The following PLCL2 variants were observed in gnomAD, a reference collection of about 807,000 sequenced individuals.
The protein encoded by PLCL2 is phospholipase C like 2.
Under a neutral mutation model 79.6 loss-of-function variants are expected in PLCL2, and 4 were observed. That is an observed-to-expected ratio of 0.05 (90% CI 0.02 to 0.11). PLCL2 has a LOEUF of 0.11. Among genes scored for constraint, PLCL2 ranks in the 10% least tolerant of loss-of-function variants. The pLI is 1.00. For missense variants in PLCL2, 895 were observed against 1,291.0 expected, an observed-to-expected ratio of 0.69 and a Z score of 4.70; for synonymous variants, 484 against 457.7, an observed-to-expected ratio of 1.06 and a Z score of -0.73.
At chr3:16,969,437 A>G (rs2063836568) in intron 1 of PLCL2, among the ~76,000 whole-genome samples, 1 of 152,090 alleles carries the variant, frequency 6.6e-6, no homozygotes, top group Non-Finnish European at 1.5e-5. Flanking sequence ...TGGTCTGTTC[A>G]GGGATTCAAT....
chr3:17,067,295 A>G (rs1456918505), intron 4 of PLCL2, among the ~76,000 whole-genome samples: 4 of 152,040 alleles, frequency 2.6e-5, no homozygotes, highest in African/African-American at 7.2e-5. Context: ...CACCTAATGG[A>G]AAAAAAAGCA....
At chr3:16,907,061 T>C (rs1250454775) in intron 1 of PLCL2, among the ~76,000 whole-genome samples, 1 of 152,164 alleles carries the variant, frequency 6.6e-6, no homozygotes, top group Non-Finnish European at 1.5e-5. Flanking sequence ...TATCTGAAAA[T>C]GAGTTTGACC....
chr3:16,904,664 C>G (rs1209774419), intron 1 of PLCL2, among the ~76,000 whole-genome samples: 1 of 152,088 alleles, frequency 6.6e-6, no homozygotes, highest in Non-Finnish European at 1.5e-5. Context: ...TTGGCTGTGT[C>G]CCCACCCAAA....
rs1459653123 is a variant in PLCL2 at position 16,907,634 on chromosome 3, GCCTTAGTTT to G, written c.327+22274_327+22282del. On this transcript the variant is annotated intron_variant, in intron 1 of 5. Coordinates refer to ENST00000615277, the MANE Select transcript of PLCL2 (RefSeq NM_001144382.2). Reference sequence around the variant, plus strand: ...AGTCAGACTGGGGGGTCACCTATTGGCCTTAGTTTCCTTATCTCTAAAATGTATATAATG... The same window carrying G: ...AGTCAGACTGGGGGGTCACCTATTGGCCTTATCTCTAAAATGTATATAATG... Among the ~76,000 whole-genome samples, 11 of 152,258 alleles carry G rather than the reference GCCTTAGTTT, an allele frequency of 7.2e-5. No individual in the cohort carries two copies. In the East Asian group the frequency reaches 2.1e-3, roughly 29 times the overall value.
chr3:17,042,930 C>A lies in PLCL2; in HGVS notation c.3075C>A (p.Ile1025=). The change falls in exon 4 of 6, where the codon ATC becomes ATA. Residue 1025 remains isoleucine, a synonymous_variant. Coordinates refer to ENST00000615277, the MANE Select transcript of PLCL2 (RefSeq NM_001144382.2). ...ATGCAGATGCTGTATATGAAAAGAT[C>A]GTACATTGTCAGAAGGCAGGTAAGT... is the stretch of plus-strand genomic sequence containing the variant. ...IENADAVYEK[I]VHCQKAAMEF... 6 of 1,610,228 alleles carry A rather than the reference C, an allele frequency of 3.7e-6. No homozygotes were observed. Among genetic ancestry groups the A allele is most frequent in the South Asian group, 1.1e-5 (1 of 90,964 alleles).
intron 1 of PLCL2, among the ~76,000 whole-genome samples, chr3:16,947,094 C>T (rs1018118889): frequency 6.6e-6 from 1 of 150,940 alleles, no homozygotes; most frequent in Non-Finnish European, 1.5e-5. Flanking sequence ...TAGCTTGGAC[C>T]ACAGGCACAT....
At chr3:16,931,919 G>A (rs1019533126) in intron 1 of PLCL2, among the ~76,000 whole-genome samples, 5 of 152,146 alleles carry the variant, frequency 3.3e-5, no homozygotes, top group Non-Finnish European at 7.4e-5. Flanking sequence ...GGTCATGAAG[G>A]AGGAGCCCTC....
At chr3:16,929,479 T>C (rs1575534570) in intron 1 of PLCL2, among the ~76,000 whole-genome samples, 1 of 152,292 alleles carries the variant, frequency 6.6e-6, no homozygotes, top group African/African-American at 2.4e-5. Context: ...CATACTCAAC[T>C]CACTTTGCAA....
At chr3:17,066,688 T>C (rs1160985379) in intron 4 of PLCL2, among the ~76,000 whole-genome samples, 1 of 152,188 alleles carries the variant, frequency 6.6e-6, no homozygotes, top group Non-Finnish European at 1.5e-5. Flanking sequence ...GGAGTCTCTG[T>C]AGCTGTCACA....
chr3:16,916,802 C>G (rs764734794), intron 1 of PLCL2, among the ~76,000 whole-genome samples: 2 of 151,884 alleles, frequency 1.3e-5, no homozygotes, highest in Non-Finnish European at 2.9e-5. Flanking sequence ...AGTTAAAATC[C>G]TTGATTTTTC....
chr3:17,039,048 A>G (rs1559528200), intron 3 of PLCL2, among the ~76,000 whole-genome samples: 1 of 152,348 alleles, frequency 6.6e-6, no homozygotes, highest in South Asian at 2.1e-4. Context: ...CTCACCTCAC[A>G]TGGATAATGT....
chr3:17,036,638 C>G (rs2064658571), intron 3 of PLCL2, among the ~76,000 whole-genome samples: 1 of 152,232 alleles, frequency 6.6e-6, no homozygotes, highest in South Asian at 2.1e-4. Flanking sequence ...CTGTCCCATT[C>G]ATGGCATTAG....
chr3:16,907,506 G>A (rs1424167550), intron 1 of PLCL2, among the ~76,000 whole-genome samples: 1 of 152,166 alleles, frequency 6.6e-6, no homozygotes, highest in Non-Finnish European at 1.5e-5. Context: ...CCCAAATGCT[G>A]TTGCTTTGTT....
At chr3:16,981,014 C>T (rs1234236229) in intron 1 of PLCL2, among the ~76,000 whole-genome samples, 1 of 152,218 alleles carries the variant, frequency 6.6e-6, no homozygotes, top group Non-Finnish European at 1.5e-5. Flanking sequence ...CGCGCGCCTG[C>T]AATCGCAGGC....
intron 1 of PLCL2, among the ~76,000 whole-genome samples, chr3:16,910,022 A>T (rs970019488): frequency 6.6e-6 from 1 of 152,126 alleles, no homozygotes; most frequent in African/African-American, 2.4e-5. Context: ...TCCACACAAA[A>T]GATCTCAATC....
At chr3:16,965,596 A>G (rs1458488029) in intron 1 of PLCL2, among the ~76,000 whole-genome samples, 9 of 151,872 alleles carry the variant, frequency 5.9e-5, no homozygotes, top group African/African-American at 1.9e-4. Flanking sequence ...CATTGAATCT[A>G]TAAATTACCT....
rs1037224909 is a variant in PLCL2, at chr3:16,965,403, A to G, written c.328-44271A>G. On this transcript the variant is annotated intron_variant, in intron 1 of 5. Coordinates refer to ENST00000615277, the MANE Select transcript of PLCL2 (RefSeq NM_001144382.2). The stretch of plus-strand genomic sequence containing the variant: ...ATATGTCTGTTTTGGTACCAGTACC[A>G]TGCTGTTTTGGTTACTGTAGCCTTG... Among the ~76,000 whole-genome samples, 107 of 152,278 alleles carry G rather than the reference A, an allele frequency of 7.0e-4. No homozygotes were observed. The South Asian group carries it at 9.7e-3, about 14-fold the overall frequency.
intron 3 of PLCL2, 96 bp downstream of exon 3, chr3:17,015,007 T>G: frequency 1.1e-6 from 1 of 918,868 alleles, no homozygotes; most frequent in Non-Finnish European, 1.7e-6. Context: ...GAAGTGCACT[T>G]TCCTATTTCA....
At chr3:16,948,524 G>A (rs184963680) in intron 1 of PLCL2, among the ~76,000 whole-genome samples, 1 of 152,198 alleles carries the variant, frequency 6.6e-6, no homozygotes, top group African/African-American at 2.4e-5. Context: ...TGTGTGGTGT[G>A]TGAATTATAT....
Sources: allele counts gnomAD v4.1 joint callset (sites outside exome capture counted in the v4.1 genomes callset), GRCh38; gene constraint gnomAD v4.1.1; transcripts MANE v1.5; gene names NCBI Gene and HGNC (gene_info 2026-07-23, HGNC 2026-07-21).